Variants in CNTNAP2 observed in about 807,000 individuals in gnomAD.
The protein encoded by CNTNAP2 is contactin associated protein 2.
CNTNAP2 carries 98 observed loss-of-function variants against 155.2 expected under a neutral mutation model. That is an observed-to-expected ratio of 0.63 (90% CI 0.54 to 0.75). The LOEUF is 0.75. Among genes scored for constraint, CNTNAP2 ranks in the 30% least tolerant of loss-of-function variants. The probability of loss-of-function intolerance (pLI) is 0.00; values close to 1 mark genes in which losing one functional copy is unlikely to be tolerated. For missense variants in CNTNAP2, 1,727 were observed against 1,688.1 expected (o/e 1.02, Z -0.40); for synonymous variants, 651 against 631.2 (o/e 1.03, Z -0.47).
At chr7:146,648,677 G>C (rs1799856366) in intron 1 of CNTNAP2, among the ~76,000 whole-genome samples, 1 of 151,976 alleles carries the variant, frequency 6.6e-6, no homozygotes, top group African/African-American at 2.4e-5. Context: ...AATGTGTAAT[G>C]CATATTTATA....
At chr7:146,364,904 T>C (rs372178068) in intron 1 of CNTNAP2, among the ~76,000 whole-genome samples, 1 of 152,308 alleles carries the variant, frequency 6.6e-6, no homozygotes, top group African/African-American at 2.4e-5. Flanking sequence ...AAGTTACATG[T>C]GTGTGTTTGT....
At chr7:146,406,606 A>G (rs1795795754) in intron 1 of CNTNAP2, among the ~76,000 whole-genome samples, 1 of 152,206 alleles carries the variant, frequency 6.6e-6, no homozygotes, top group South Asian at 2.1e-4. Context: ...ACCCAGTCAA[A>G]GACTCAGTCA....
At chr7:147,811,285 G>A (rs78009099) in intron 13 of CNTNAP2, among the ~76,000 whole-genome samples, 4,934 of 152,136 alleles carry the variant, frequency 0.032, 134 homozygotes, top group Non-Finnish European at 0.051. Context: ...TAGTGGAGAC[G>A]CAGAGTTTCA....
chr7:148,065,409 G>T (rs1033772539), intron 15 of CNTNAP2, among the ~76,000 whole-genome samples: 2 of 152,090 alleles, frequency 1.3e-5, no homozygotes, highest in African/African-American at 4.8e-5. Context: ...ATATTGTTGT[G>T]TTGTTGTCTA....
At chr7:146,173,166 G>C (rs766970290) in intron 1 of CNTNAP2, among the ~76,000 whole-genome samples, 1 of 152,012 alleles carries the variant, frequency 6.6e-6, no homozygotes, top group South Asian at 2.1e-4. Flanking sequence ...AGTGAATTAC[G>C]TGCAGAGAAC....
At chr7:148,006,310 G>T (rs10271004) in intron 15 of CNTNAP2, among the ~76,000 whole-genome samples, 149,209 of 149,210 alleles carry the variant, frequency 1, 74,604 homozygotes, top group Non-Finnish European at 1. Flanking sequence ...AGCTTTATAG[G>T]AAGTTCTTTT....
chr7:146,898,914 C>A (rs1795936329), intron 3 of CNTNAP2, among the ~76,000 whole-genome samples: 1 of 151,952 alleles, frequency 6.6e-6, no homozygotes, highest in Non-Finnish European at 1.5e-5. Context: ...TACCTTCTTC[C>A]TCCCATTGCA....
At chr7:146,435,638 A>C (rs1194324040) in intron 1 of CNTNAP2, among the ~76,000 whole-genome samples, 3 of 152,220 alleles carry the variant, frequency 2.0e-5, no homozygotes, top group Admixed American at 6.5e-5. Context: ...TAAATCAGGC[A>C]GTATATTATA....
chr7:146,140,739 A>G (rs1797864818), intron 1 of CNTNAP2, among the ~76,000 whole-genome samples: 1 of 152,132 alleles, frequency 6.6e-6, no homozygotes, highest in Non-Finnish European at 1.5e-5. Context: ...ACAAACAACC[A>G]TGCGAAGAAA....
Position 147,276,410 on chromosome 7 carries a change from A to G in CNTNAP2, c.1349-23731A>G, listed in dbSNP as rs182268338. Among the ~76,000 whole-genome samples, 6 of 152,162 alleles carry G rather than the reference A, an allele frequency of 3.9e-5. No homozygotes were observed. In the East Asian group the frequency reaches 9.6e-4, roughly 24 times the overall value. On this transcript the variant is annotated intron_variant, in intron 8 of 23. Transcript: ENST00000361727. Reference sequence around the variant, plus strand: ...TGTAAAATATACATATCTAAGCCCAATTAAGACCAATAAAATGTTTGTAAG... The same window carrying G: ...TGTAAAATATACATATCTAAGCCCAGTTAAGACCAATAAAATGTTTGTAAG...
At chr7:146,512,588 G>T (rs1318528154) in intron 1 of CNTNAP2, among the ~76,000 whole-genome samples, 2 of 150,970 alleles carry the variant, frequency 1.3e-5, no homozygotes, top group African/African-American at 4.9e-5. Flanking sequence ...TATATTCGTA[G>T]AGTTTCCAAG....
intron 8 of CNTNAP2, among the ~76,000 whole-genome samples, chr7:147,177,570 G>A (rs1802375135): frequency 6.6e-6 from 1 of 152,150 alleles, no homozygotes; most frequent in Admixed American, 6.6e-5. Context: ...TCTAGCTTCT[G>A]TAGTCAATGA....
chr7:147,887,781 A>T (rs1799626041), intron 13 of CNTNAP2, among the ~76,000 whole-genome samples: 2 of 152,206 alleles, frequency 1.3e-5, no homozygotes, highest in Admixed American at 1.3e-4. Context: ...AAATGGAAAA[A>T]TCCACTCTAC....
At chr7:146,926,812 TC>T (rs1449187051) in intron 3 of CNTNAP2, among the ~76,000 whole-genome samples, 16 of 152,082 alleles carry the variant, frequency 1.1e-4, no homozygotes, top group Non-Finnish European at 2.9e-5. Flanking sequence ...CTGTATACAA[TC>T]CAAAAATATG....
intron 3 of CNTNAP2, among the ~76,000 whole-genome samples, chr7:146,843,773 T>C (rs1803790163): frequency 6.7e-6 from 1 of 150,348 alleles, no homozygotes; most frequent in South Asian, 2.1e-4. Flanking sequence ...TTATTAAAAA[T>C]GATATTAAAT....
intron 9 of CNTNAP2, among the ~76,000 whole-genome samples, chr7:147,351,727 C>A (rs181921113): frequency 8.6e-5 from 13 of 151,794 alleles, no homozygotes; most frequent in Admixed American, 2.6e-4. Context: ...CACTAGAACT[C>A]CAAGCAAGCG....
At chr7:147,665,715 T>C (rs1364415871) in intron 13 of CNTNAP2, among the ~76,000 whole-genome samples, 1 of 152,230 alleles carries the variant, frequency 6.6e-6, no homozygotes, top group African/African-American at 2.4e-5. Flanking sequence ...AGTGAGAACA[T>C]GCAGTATTTG....
At chr7:146,610,860 C>T (rs532319215) in intron 1 of CNTNAP2, among the ~76,000 whole-genome samples, 1 of 152,230 alleles carries the variant, frequency 6.6e-6, no homozygotes, top group South Asian at 2.1e-4. Context: ...TTGTTCTTGC[C>T]TTGAGCCCCT....
intron 3 of CNTNAP2, among the ~76,000 whole-genome samples, chr7:146,844,566 A>T (rs1325536935): frequency 2.0e-5 from 3 of 152,166 alleles, no homozygotes; most frequent in Non-Finnish European, 4.4e-5. Context: ...TCCATTAAAC[A>T]TTATATTAAA....
Sources: allele counts gnomAD v4.1 joint callset (sites outside exome capture counted in the v4.1 genomes callset), GRCh38; gene constraint gnomAD v4.1.1; transcripts MANE v1.5; gene names NCBI Gene and HGNC (gene_info 2026-07-23, HGNC 2026-07-21).